Variants in PIP5K1B observed in about 807,000 individuals in gnomAD.
PIP5K1B encodes phosphatidylinositol 4-phosphate 5-kinase type-1 beta.
Under a neutral mutation model 67.0 loss-of-function variants are expected in PIP5K1B, and 42 were observed. The ratio of observed to expected loss-of-function variants is 0.63; its 90% confidence interval spans 0.49 to 0.81. PIP5K1B has a LOEUF of 0.81. Ranked by LOEUF, PIP5K1B falls within the 30% of genes least tolerant of loss-of-function variation. The pLI, the probability that PIP5K1B is intolerant of heterozygous loss-of-function variation, is 0.00. For synonymous variants in PIP5K1B, 214 were observed against 231.4 expected (o/e 0.92, Z 0.68); for missense variants, 459 against 646.3 (o/e 0.71, Z 3.14).
intron 1 of PIP5K1B, among the ~76,000 whole-genome samples, chr9:68,735,037 A>T (rs1218332883): frequency 2.0e-5 from 3 of 152,210 alleles, no homozygotes; most frequent in Non-Finnish European, 1.5e-5. Context: ...ATTTAACACC[A>T]ACCATTAAGA....
chr9:68,910,967 T>C (rs746426764), intron 8 of PIP5K1B, among the ~76,000 whole-genome samples: 23 of 152,240 alleles, frequency 1.5e-4, no homozygotes, highest in Non-Finnish European at 3.2e-4. Flanking sequence ...GAGGACTTTC[T>C]ATGTCAAATT....
intron 2 of PIP5K1B, among the ~76,000 whole-genome samples, chr9:68,791,177 A>G (rs1289636050): frequency 6.6e-6 from 1 of 152,214 alleles, no homozygotes; most frequent in Non-Finnish European, 1.5e-5. Context: ...GTGCCCCAGC[A>G]GAGTAAAATG....
chr9:68,890,516 A>G (rs1340298193), intron 7 of PIP5K1B, among the ~76,000 whole-genome samples: 1 of 152,186 alleles, frequency 6.6e-6, no homozygotes, highest in African/African-American at 2.4e-5. Context: ...TTTTTATGTA[A>G]AAATATTATT....
chr9:68,894,673 C>A lies in PIP5K1B; in HGVS notation c.771+35C>A, dbSNP rs746902904. 2.1e-5 allele frequency: 34 copies of A among 1,590,384 alleles called. No homozygotes were observed. The South Asian group carries it at 3.5e-4, about 16-fold the overall frequency. On this transcript the variant is annotated intron_variant, in intron 8 of 15. Transcript: ENST00000265382. Reference sequence around the variant, plus strand: ...TTTGATTGTTGTGATTTCCTTTGAACTCTGTGCTCATGTAAACTGTGGCTG... The same window carrying A: ...TTTGATTGTTGTGATTTCCTTTGAAATCTGTGCTCATGTAAACTGTGGCTG...
chr9:68,803,640 C>G (rs1832720205), intron 2 of PIP5K1B, among the ~76,000 whole-genome samples: 1 of 152,246 alleles, frequency 6.6e-6, no homozygotes, highest in Admixed American at 6.5e-5. Flanking sequence ...GAGTTTGCCT[C>G]TAACAAGTCT....
intron 3 of PIP5K1B, among the ~76,000 whole-genome samples, chr9:68,820,924 A>G (rs1476216886): frequency 1.3e-5 from 2 of 152,244 alleles, no homozygotes; most frequent in Non-Finnish European, 2.9e-5. Context: ...AAAGATACGC[A>G]ATAGTTTTGA....
At chr9:68,810,882 C>T (rs867021425) in intron 2 of PIP5K1B, among the ~76,000 whole-genome samples, 8 of 152,038 alleles carry the variant, frequency 5.3e-5, no homozygotes, top group South Asian at 2.1e-4. Context: ...TTGAAAAATG[C>T]GGTGCAATAT....
chr9:69,004,337 T>TGTGTGTGTG lies in PIP5K1B; in HGVS notation c.1621-4110_1621-4109insGTGTGTGTG, dbSNP rs1564311765. Among the ~76,000 whole-genome samples the TGTGTGTGTG allele has an allele frequency of 1.7e-3, 257 of 148,366 alleles. 3 individuals are homozygous for TGTGTGTGTG. Among genetic ancestry groups the TGTGTGTGTG allele is most frequent in the Middle Eastern group, 3.4e-3 (1 of 290 alleles). ...TTTGTGGGCGTGTGTGTGTGTGTTT[T>TGTGTGTGTG]TGTGTGTGTGTGTGTGTGTGTGTGT... On this transcript the variant is annotated intron_variant, in intron 15 of 15. Transcript: ENST00000265382.
intron 2 of PIP5K1B, among the ~76,000 whole-genome samples, chr9:68,801,005 C>T (rs946668721): frequency 1.2e-4 from 18 of 152,156 alleles, no homozygotes; most frequent in African/African-American, 4.3e-4. Flanking sequence ...TGCAGGCTTC[C>T]ATGTCCATTC....
chr9:68,743,405 T>A (rs1284162287), intron 2 of PIP5K1B, among the ~76,000 whole-genome samples: 1 of 152,072 alleles, frequency 6.6e-6, no homozygotes, highest in Non-Finnish European at 1.5e-5. Context: ...GGTTTCGCTA[T>A]GTGCCCAGTC....
rs190625014 is a variant in PIP5K1B, at chr9:68,881,538, A to G, written c.318+4744A>G. On this transcript the variant is annotated intron_variant, in intron 6 of 15. Coordinates refer to ENST00000265382, the MANE Select transcript of PIP5K1B (RefSeq NM_003558.4). ...TGGTAACTCCATACTTAGGTGTGATATTGAATACCTGCGATATGTGTGTAT... is the reference window on the plus strand; with the variant it reads ...TGGTAACTCCATACTTAGGTGTGATGTTGAATACCTGCGATATGTGTGTAT... 4.6e-5 allele frequency among the ~76,000 whole-genome samples: 7 copies of G among 152,294 alleles called. No homozygotes were observed. The East Asian group carries it at 1.3e-3, about 29-fold the overall frequency.
At chr9:68,721,058 T>C (rs1318390364) in intron 1 of PIP5K1B, among the ~76,000 whole-genome samples, 1 of 152,108 alleles carries the variant, frequency 6.6e-6, no homozygotes, top group Non-Finnish European at 1.5e-5. Context: ...AATGTGATAA[T>C]GGGTAGGGTG....
rs117616770 is a variant in PIP5K1B at position 68,861,088 on chromosome 9, A to G, written c.70-2749A>G. Among the ~76,000 whole-genome samples, 1,503 of 152,376 alleles carry G rather than the reference A, an allele frequency of 9.9e-3. 13 individuals carry two copies. The highest frequency in any genetic ancestry group is 0.014 in the Middle Eastern group (4 of 294). ...ATTATTCATATATCAAGTGCCTGGC[A>G]TAAATTAGTTGGTCAAAAAAGATTA... On this transcript the variant is annotated intron_variant, in intron 4 of 15. Transcript: ENST00000265382.
rs568738197 is a variant in PIP5K1B, at chr9:68,989,254, C to T, written c.1503-1886C>T. On this transcript the variant is annotated intron_variant, in intron 14 of 15. Coordinates refer to ENST00000265382, the MANE Select transcript of PIP5K1B (RefSeq NM_003558.4). ...TGTGCAGTTCCCAGGTTCCCAGACG[C>T]GGGAAAGACAGAGATTATAATGTCC... Among the ~76,000 whole-genome samples, 8 of 151,994 alleles carry T rather than the reference C, an allele frequency of 5.3e-5. No individual in the cohort carries two copies. In the South Asian group the frequency reaches 6.2e-4, roughly 12 times the overall value.
At chr9:68,805,498 G>A (rs772295346) in intron 2 of PIP5K1B, among the ~76,000 whole-genome samples, 4 of 152,164 alleles carry the variant, frequency 2.6e-5, no homozygotes, top group African/African-American at 9.7e-5. Flanking sequence ...CATTACTAAC[G>A]ACTGCCCTGT....
intron 15 of PIP5K1B, among the ~76,000 whole-genome samples, chr9:69,003,036 ACCCAGAG>A (rs1244737256): frequency 5.3e-5 from 8 of 152,206 alleles, no homozygotes; most frequent in African/African-American, 1.9e-4. Flanking sequence ...AATCGGGTGA[ACCCAGAG>A]ATGAAGGGGA....
At chr9:68,954,241 AT>A (rs2132704875) in intron 14 of PIP5K1B, among the ~76,000 whole-genome samples, 1 of 152,124 alleles carries the variant, frequency 6.6e-6, no homozygotes, top group East Asian at 1.9e-4. Context: ...AGACTCCTAA[AT>A]TTTGTCTCTC....
At chr9:68,818,240 A>G (rs1449991720) in intron 2 of PIP5K1B, among the ~76,000 whole-genome samples, 1 of 152,234 alleles carries the variant, frequency 6.6e-6, no homozygotes, top group Non-Finnish European at 1.5e-5. Flanking sequence ...TGTAAAGTTT[A>G]TTCAACAACC....
intron 4 of PIP5K1B, among the ~76,000 whole-genome samples, chr9:68,840,561 T>C (rs995230115): frequency 2.1e-4 from 32 of 152,352 alleles, no homozygotes; most frequent in African/African-American, 7.7e-4. Context: ...GTGTTCCTTA[T>C]GGAGGCTCTA....
Sources: gnomAD v4.1 joint callset for allele counts (sites outside exome capture counted in the v4.1 genomes callset) on GRCh38, gnomAD v4.1.1 for gene constraint, MANE v1.5 for transcripts, NCBI Gene and HGNC (gene_info 2026-07-23, HGNC 2026-07-21) for gene names.